The following GNA13 variants were observed in gnomAD, a reference collection of about 807,000 sequenced individuals.
GNA13 encodes guanine nucleotide-binding protein subunit alpha-13.
A neutral mutation model predicts 33.5 loss-of-function variants in GNA13; 4 were observed. That is an observed-to-expected ratio of 0.12 (90% CI 0.06 to 0.27). The LOEUF is 0.27. GNA13 is among the 10% of genes least tolerant of loss of function. The probability of loss-of-function intolerance (pLI) is 1.00; values close to 1 mark genes in which losing one functional copy is unlikely to be tolerated. For missense variants in GNA13, 319 were observed against 487.2 expected (o/e 0.65, Z 3.25); for synonymous variants, 176 against 183.8 (o/e 0.96, Z 0.34).
chr17:65,019,736 G>T (rs1906516143), intron 2 of GNA13, among the ~76,000 whole-genome samples: 1 of 152,200 alleles, frequency 6.6e-6, no homozygotes, highest in Admixed American at 6.5e-5. Flanking sequence ...TAGTTAAAGT[G>T]AATGAATATG....
chr17:65,056,160 T>C (rs1342195868), intron 1 of GNA13, 151 bp downstream of exon 1: 1 of 509,074 alleles, frequency 2.0e-6, no homozygotes, highest in East Asian at 3.9e-5. Context: ...GCAGGGCCAG[T>C]TGCCGGGGCG....
chr17:65,039,195 A>T (rs748244625), intron 2 of GNA13, among the ~76,000 whole-genome samples: 10 of 152,090 alleles, frequency 6.6e-5, no homozygotes, highest in African/African-American at 9.7e-5. Context: ...GATCCCAATG[A>T]TTTTCCCTAC....
At chr17:65,055,351 T>G (rs1326552274) in intron 1 of GNA13, among the ~76,000 whole-genome samples, 3 of 152,178 alleles carry the variant, frequency 2.0e-5, no homozygotes, top group African/African-American at 7.2e-5. Flanking sequence ...TTGTTTATTT[T>G]TCACTTAAGA....
At chr17:65,037,791 A>AAAAAAAAAAAAAAAAAAAAAAAAC (rs1567824027) in intron 2 of GNA13, among the ~76,000 whole-genome samples, 1 of 149,714 alleles carries the variant, frequency 6.7e-6, no homozygotes, top group East Asian at 2.0e-4. Flanking sequence ...AAAAAAAAAA[A>AAAAAAAAAAAAAAAAAAAAAAAAC]AAAAAAAAAG....
rs1267777545 is a variant in GNA13 at position 65,012,971 on chromosome 17, G to A, written c.*1286C>T. The A allele has an allele frequency of 4.5e-6, 1 of 222,038 alleles. No individual in the cohort carries two copies. The highest frequency in any genetic ancestry group is 9.0e-6 in the Non-Finnish European group (1 of 111,058). 13.8% of individuals were successfully genotyped at this position (222,038 alleles called of 1,614,324 possible). ...TCTGCGATCACAAAGCTACTTCGTG[G>A]ACACATTTTAATTTGGTAAGCAGTC... On this transcript the variant is annotated 3_prime_UTR_variant, in exon 4 of 4. Transcript: ENST00000439174.
intron 2 of GNA13, among the ~76,000 whole-genome samples, chr17:65,051,201 C>G (rs1196582425): frequency 6.6e-6 from 1 of 152,180 alleles, no homozygotes; most frequent in Admixed American, 6.5e-5. Flanking sequence ...ATGCTTATTA[C>G]AGATGAATGT....
chr17:65,039,756 G>A (rs1378852086), intron 2 of GNA13, among the ~76,000 whole-genome samples: 1 of 152,144 alleles, frequency 6.6e-6, no homozygotes, highest in African/African-American at 2.4e-5. Context: ...AGATTACTCT[G>A]ACTAGCATCT....
chr17:65,048,622 G>A (rs970083025), intron 2 of GNA13, among the ~76,000 whole-genome samples: 3 of 152,164 alleles, frequency 2.0e-5, no homozygotes, highest in African/African-American at 7.2e-5. Context: ...AACCAAAAAA[G>A]GAAATGTTTA....
intron 2 of GNA13, among the ~76,000 whole-genome samples, chr17:65,034,690 T>C (rs1246521676): frequency 6.6e-6 from 1 of 152,038 alleles, no homozygotes; most frequent in East Asian, 1.9e-4. Flanking sequence ...AGTTTAGTAA[T>C]TCTCCTACTA....
chr17:65,052,209 A>C (rs1405266343), intron 2 of GNA13: 1 of 152,182 alleles, frequency 6.6e-6, no homozygotes, highest in African/African-American at 2.4e-5. Flanking sequence ...GCTGGAGTGC[A>C]GTGGCACGAA....
intron 2 of GNA13, among the ~76,000 whole-genome samples, chr17:65,037,106 A>T (rs1462734112): frequency 6.6e-6 from 1 of 152,242 alleles, no homozygotes; most frequent in Non-Finnish European, 1.5e-5. Context: ...GATCATAAGT[A>T]AAATAATCAA....
At chr17:65,018,852 C>T (rs773984090) in intron 2 of GNA13, among the ~76,000 whole-genome samples, 18 of 152,120 alleles carry the variant, frequency 1.2e-4, no homozygotes, top group Admixed American at 2.6e-4. Flanking sequence ...GGTCTTTTCC[C>T]GAGTGGCCTA....
intron 1 of GNA13, 31 bp from the exon 2 acceptor site, chr17:65,053,759 G>A (rs1907940293): frequency 7.6e-7 from 1 of 1,307,626 alleles, no homozygotes; most frequent in Admixed American, 1.7e-5. Flanking sequence ...AAAAATGTAT[G>A]GAGAGGAGTC....
intron 2 of GNA13, among the ~76,000 whole-genome samples, chr17:65,031,913 AGAGAGAGAGTGTGTGTGTGTGT>A (rs1398430127): frequency 1.5e-4 from 20 of 134,322 alleles, no homozygotes; most frequent in African/African-American, 6.2e-4. Context: ...AGAGAGAGAG[AGAGAGAGAGTGTGTGTGTGTGT>A]GTGTGTGTGT....
chr17:65,024,739 C>T (rs1906709572), intron 2 of GNA13, among the ~76,000 whole-genome samples: 5 of 152,204 alleles, frequency 3.3e-5, no homozygotes. Context: ...CCTCGCATTA[C>T]TTCAAATCTG....
At chr17:65,031,924 GT>G (rs1907058964) in intron 2 of GNA13, among the ~76,000 whole-genome samples, 8 of 120,248 alleles carry the variant, frequency 6.7e-5, no homozygotes, top group African/African-American at 3.5e-4. Context: ...GAGAGAGAGT[GT>G]GTGTGTGTGT....
intron 2 of GNA13, among the ~76,000 whole-genome samples, chr17:65,050,274 T>C (rs1907815483): frequency 6.6e-6 from 1 of 152,314 alleles, no homozygotes; most frequent in South Asian, 2.1e-4. Context: ...CTGCTGCATG[T>C]AGATGAGTAG....
chr17:65,038,593 G>A (rs1472560869), intron 2 of GNA13, among the ~76,000 whole-genome samples: 1 of 152,122 alleles, frequency 6.6e-6, no homozygotes, highest in East Asian at 1.9e-4. Flanking sequence ...TGTATTTTTA[G>A]TAGAGACGGG....
In GNA13 at chr17:65,011,021, G is replaced by A. The variant is rs755411389; in HGVS notation, c.*3236C>T. ...CTTCATATATAAATAAGGCATAATC[G>A]GATGTGTATTAATGCTGAAAATACA... On this transcript the variant is annotated 3_prime_UTR_variant, in exon 4 of 4. Transcript: ENST00000439174. 4 of 198,010 alleles carry A rather than the reference G, an allele frequency of 2.0e-5. No homozygotes were observed. The highest frequency in any genetic ancestry group is 6.9e-5 in the African/African-American group (3 of 43,236). The allele number at this position is 198,010 out of a possible 1,614,324, so 12.3% of individuals were successfully genotyped here.
Sources: allele counts gnomAD v4.1 joint callset (sites outside exome capture counted in the v4.1 genomes callset), GRCh38; gene constraint gnomAD v4.1.1; transcripts MANE v1.5; gene names NCBI Gene and HGNC (gene_info 2026-07-23, HGNC 2026-07-21).